The following CEP250 variants were observed in gnomAD, a reference collection of about 807,000 sequenced individuals.
The protein encoded by CEP250 is centrosomal protein 250.
CEP250 carries 242 observed loss-of-function variants against 315.7 expected under a neutral mutation model. The observed-to-expected ratio is 0.77, with a 90% confidence interval of 0.69 to 0.85. The LOEUF is 0.85. Ranked by LOEUF, CEP250 falls within the 40% of genes least tolerant of loss-of-function variation. The pLI, the probability that CEP250 is intolerant of heterozygous loss-of-function variation, is 0.00. For synonymous variants in CEP250, 1,088 were observed against 1,175.0 expected, an observed-to-expected ratio of 0.93 and a Z score of 1.51; for missense variants, 2,515 against 2,886.4, an observed-to-expected ratio of 0.87 and a Z score of 2.95.
intron 8 of CEP250, 107 bp downstream of exon 8, chr20:35,467,179 G>C (rs2146720346): frequency 1.9e-6 from 1 of 534,902 alleles, no homozygotes; most frequent in Non-Finnish European, 3.5e-6. Flanking sequence ...GGTGGGTGGG[G>C]GAGTTGGTAG....
chr20:35,484,182 CTTTTTTCT>C (rs1028446274), intron 20 of CEP250, among the ~76,000 whole-genome samples: 80 of 149,360 alleles, frequency 5.4e-4, no homozygotes, highest in Non-Finnish European at 4.2e-4. Context: ...CTTTTTTTTT[CTTTTTTCT>C]TTTTTTCTTT....
At chr20:35,509,148 TC>T in intron 33 of CEP250, 104 bp downstream of exon 33, 1 of 886,612 alleles carries the variant, frequency 1.1e-6, no homozygotes, top group Non-Finnish European at 1.8e-6. Context: ...CTTCAGCTAG[TC>T]CAGAGAGCCC....
At chr20:35,498,172 T>A in intron 26 of CEP250, 105 bp downstream of exon 26, 1 of 848,340 alleles carries the variant, frequency 1.2e-6, no homozygotes, top group Non-Finnish European at 1.8e-6. Flanking sequence ...GCTTCAGGGT[T>A]AAGATTACAT....
chr20:35,467,919 T>C (rs931295389), intron 9 of CEP250, among the ~76,000 whole-genome samples: 2 of 150,258 alleles, frequency 1.3e-5, no homozygotes, highest in African/African-American at 4.9e-5. Context: ...CCTTATCCTC[T>C]AAGACATAGT....
chr20:35,494,780 A>G, intron 24 of CEP250, 123 bp downstream of exon 24: 1 of 1,059,378 alleles, frequency 9.4e-7, no homozygotes. Context: ...ATGTACATGT[A>G]GCCATGTGGA....
chr20:35,492,015 G>C (rs765208369), intron 22 of CEP250, among the ~76,000 whole-genome samples: 12 of 151,052 alleles, frequency 7.9e-5, no homozygotes, highest in Non-Finnish European at 1.3e-4. Context: ...CAGACACAAA[G>C]TAAATGAGAT....
At chr20:35,482,420 C>A (rs1055961492) in intron 20 of CEP250, among the ~76,000 whole-genome samples, 1 of 151,414 alleles carries the variant, frequency 6.6e-6, no homozygotes, top group Non-Finnish European at 1.5e-5. Flanking sequence ...TTAGTAAATA[C>A]AAAAATTTTT....
Position 35,462,509 on chromosome 20 carries a change from G to A in CEP250, c.142G>A (p.Ala48Thr), listed in dbSNP as rs767867819. Residue 48 changes from alanine to threonine, a missense_variant, in exon 4 of 35, where the codon GCC (alanine) becomes ACC (threonine). Transcript: ENST00000397527. ...SWRKLKNSQE[A>T]QQRQATLVRK... ...GCGGAAGCTGAAGAACTCCCAGGAG[G>A]CCCAGCAGAGACAAGCAACCCTTGT... 3 of 1,609,726 alleles carry A rather than the reference G, an allele frequency of 1.9e-6. No homozygotes were observed. The highest frequency in any genetic ancestry group is 1.7e-5 in the Admixed American group (1 of 59,458).
chr20:35,467,271 G>A (rs745823057), intron 8 of CEP250, 33 bp from the exon 9 acceptor site: 1 of 1,599,784 alleles, frequency 6.3e-7, no homozygotes, highest in African/African-American at 1.3e-5. Context: ...CTGGTTCCTA[G>A]TGGAGTCTGC....
chr20:35,493,066 T>G (rs1051145423), intron 22 of CEP250, among the ~76,000 whole-genome samples: 2 of 151,946 alleles, frequency 1.3e-5, no homozygotes, highest in Admixed American at 1.3e-4. Context: ...GGGATATGAT[T>G]TATTTATATA....
At chr20:35,485,522 C>T (rs968078858) in intron 20 of CEP250, among the ~76,000 whole-genome samples, 16 of 151,842 alleles carry the variant, frequency 1.1e-4, no homozygotes, top group African/African-American at 3.6e-4. Context: ...TAAGGTCTTG[C>T]TCTGGTCACC....
chr20:35,467,941 C>CTTTTTTT (rs1421312559), intron 9 of CEP250, among the ~76,000 whole-genome samples: 1 of 118,432 alleles, frequency 8.4e-6, no homozygotes, highest in African/African-American at 3.8e-5. Flanking sequence ...CAAATATTAC[C>CTTTTTTT]TCTTTTTTTT....
intron 20 of CEP250, among the ~76,000 whole-genome samples, chr20:35,481,423 A>G (rs1331362199): frequency 6.6e-6 from 1 of 152,176 alleles, no homozygotes; most frequent in African/African-American, 2.4e-5. Flanking sequence ...TCTCAAAAGC[A>G]AAAAAGAACA....
Position 35,502,926 on chromosome 20 carries a change from T to C in CEP250, c.4557T>C (p.Thr1519=). 6.2e-7 allele frequency: 1 copy of C among 1,614,098 alleles called. No individual in the cohort carries two copies. Among genetic ancestry groups the C allele is most frequent in the Non-Finnish European group, 8.5e-7 (1 of 1,180,012 alleles). The change falls in exon 30 of 35, where the codon ACT becomes ACC. Residue 1519 remains threonine (T), a synonymous_variant. Transcript: ENST00000397527. The part of the protein sequence containing the change: ...QIRELEKDRE[T]QRNVLEHQLL... ...GAGAGCTCGAGAAGGATCGGGAGAC[T>C]CAGAGGAACGTCTTGGAGCATCAGC... is the stretch of plus-strand genomic sequence containing the variant.
Position 35,511,922 on chromosome 20 carries a change from A to C in CEP250, c.*296A>C. ...CTAGAATTTATTTTCCTAGCACTTCACCACCTCCTTCATCTTCTCCTTCAA... is the reference window on the plus strand; with the variant it reads ...CTAGAATTTATTTTCCTAGCACTTCCCCACCTCCTTCATCTTCTCCTTCAA... On this transcript the variant is annotated 3_prime_UTR_variant, in exon 35 of 35. Transcript: ENST00000397527. 1 of 1,184,684 alleles carries C rather than the reference A, an allele frequency of 8.4e-7. No individual in the cohort carries two copies. 73.4% of individuals were successfully genotyped at this position (1,184,684 alleles called of 1,614,324 possible).
chr20:35,478,073 A>C lies in CEP250; in HGVS notation c.2066A>C (p.Lys689Thr). ...QADLRDIQEE[K>T]EEIQKKLSES... ...GATCTCAGGGACATCCAAGAAGAGA[A>C]GGAAGAAATTCAAAAGAAACTAAGT... is the stretch of plus-strand genomic sequence containing the variant. The change falls in exon 17 of 35, where the codon AAG (lysine) becomes ACG (threonine). Residue 689 changes from lysine (K) to threonine (T), a missense_variant. Physicochemically the swap from Lys to Thr is moderately conservative, Grantham distance 78. Transcript: ENST00000397527. 2 of 1,614,070 alleles carry C rather than the reference A, an allele frequency of 1.2e-6. No homozygotes were observed. The highest frequency in any genetic ancestry group is 2.2e-5 in the South Asian group (2 of 91,038).
intron 20 of CEP250, among the ~76,000 whole-genome samples, chr20:35,487,206 AC>A (rs2063537649): frequency 1.3e-5 from 2 of 152,084 alleles, no homozygotes; most frequent in African/African-American, 4.8e-5. Flanking sequence ...GGTGGCTCAC[AC>A]CTGTAATCCC....
In CEP250 at chr20:35,473,441, G is replaced by T. The variant is rs1438956303; in HGVS notation, c.1277G>T (p.Trp426Leu). 3.1e-6 allele frequency: 5 copies of T among 1,614,172 alleles called. No individual in the cohort carries two copies. The South Asian group carries it at 5.5e-5, about 18-fold the overall frequency. ...TTGTTGCAACAGCAGCATGATCAGT[G>T]GGAGGAAGAGGGCAAAGCCTTGAGA... ...VNLLQQQHDQ[W>L]EEEGKALRQR... Residue 426 changes from tryptophan (W) to leucine (L), a missense_variant, in exon 13 of 35, where the codon TGG (tryptophan) becomes TTG (leucine). Transcript: ENST00000397527.
At position 35,460,111 on chromosome 20, in the gene CEP250, T is replaced by C. The variant is rs1386279920; in HGVS notation, c.-104+6T>C. On this transcript the variant is annotated splice_donor_region_variant and intron_variant, in intron 3 of 34. Transcript: ENST00000397527. ...CAACATTTCATAGCACCATGGTGAGTTGGTCACACAGCCTTGGCAAAAAGG... is the reference window on the plus strand; with the variant it reads ...CAACATTTCATAGCACCATGGTGAGCTGGTCACACAGCCTTGGCAAAAAGG... 1.3e-5 allele frequency: 2 copies of C among 152,010 alleles called. No homozygotes were observed. The highest frequency in any genetic ancestry group is 6.6e-5 in the Admixed American group (1 of 15,260). 9.4% of individuals were successfully genotyped at this position (152,010 alleles called of 1,614,324 possible). A position where few individuals can be genotyped will look rare whatever the true frequency, so the allele number is the denominator to read the frequency against.
Sources: allele counts gnomAD v4.1 joint callset (sites outside exome capture counted in the v4.1 genomes callset), GRCh38; gene constraint gnomAD v4.1.1; transcripts MANE v1.5; gene names NCBI Gene and HGNC (gene_info 2026-07-23, HGNC 2026-07-21).